Variants in YES1 observed in about 807,000 individuals in gnomAD.
YES1 encodes tyrosine-protein kinase Yes.
YES1 carries 39 observed loss-of-function variants against 70.4 expected under a neutral mutation model. That is an observed-to-expected ratio of 0.55 (90% CI 0.43 to 0.72). YES1 has a LOEUF of 0.72. Ranked by LOEUF, YES1 falls within the 30% of genes least tolerant of loss-of-function variation. The pLI is 0.00. For missense variants in YES1, 495 were observed against 644.8 expected, an observed-to-expected ratio of 0.77 and a Z score of 2.52; for synonymous variants, 198 against 218.6, an observed-to-expected ratio of 0.91 and a Z score of 0.83.
At chr18:804,609 CAAAAAAAAAAAAA>C (rs57896154) in intron 1 of YES1, among the ~76,000 whole-genome samples, 1 of 38,772 alleles carries the variant, frequency 2.6e-5, no homozygotes, top group Non-Finnish European at 4.9e-5. Flanking sequence ...GACTGAGTCT[CAAAAAAAAAAAAA>C]AAAAAAAAGG....
At chr18:770,944 T>C (rs1167887624) in intron 1 of YES1, among the ~76,000 whole-genome samples, 8 of 151,830 alleles carry the variant, frequency 5.3e-5, no homozygotes. Context: ...GCAGTGACTG[T>C]TAGGCAGTGA....
chr18:774,307 T>C (rs1905278664), intron 1 of YES1, among the ~76,000 whole-genome samples: 1 of 152,188 alleles, frequency 6.6e-6, no homozygotes, highest in African/African-American at 2.4e-5. Flanking sequence ...CAGTCTTATA[T>C]CTTTAAATAC....
intron 2 of YES1, among the ~76,000 whole-genome samples, chr18:756,224 G>C (rs2080404386): frequency 6.6e-6 from 1 of 151,292 alleles, no homozygotes; most frequent in African/African-American, 2.4e-5. Context: ...CTGAGAAGTT[G>C]TCAAATTCTT....
chr18:725,378 G>C (rs994676263), intron 11 of YES1, among the ~76,000 whole-genome samples: 4 of 151,978 alleles, frequency 2.6e-5, no homozygotes, highest in African/African-American at 9.7e-5. Flanking sequence ...AACCAATCAG[G>C]AATGATATTT....
Position 770,023 on chromosome 18 carries a change from G to A in YES1, c.-8-13188C>T, listed in dbSNP as rs527530038. Among the ~76,000 whole-genome samples the A allele has an allele frequency of 2.2e-4, 33 of 149,996 alleles. 1 individual carries two copies. In the South Asian group the frequency reaches 6.1e-3, roughly 28 times the overall value. ...ACTGGGAGTGCAGTGGCGTGATCCC[G>A]GCTCACTGCAACTGCAATCTCTGCC... is the stretch of plus-strand genomic sequence containing the variant. On this transcript the variant is annotated intron_variant, in intron 1 of 11. Transcript: ENST00000314574.
At position 739,487 on chromosome 18, in the gene YES1, T is replaced by C. The variant is rs187231684; in HGVS notation, c.1137+248A>G. 1,046 of 334,758 alleles carry C rather than the reference T, an allele frequency of 3.1e-3. 2 individuals carry two copies. The highest frequency in any genetic ancestry group is 0.018 in the Middle Eastern group (21 of 1,182). 20.7% of individuals were successfully genotyped at this position (334,758 alleles called of 1,614,324 possible). A position where few individuals can be genotyped will look rare whatever the true frequency, so the allele number is the denominator to read the frequency against. On this transcript the variant is annotated intron_variant, in intron 9 of 11. Transcript: ENST00000314574. The stretch of plus-strand genomic sequence containing the variant: ...GAATGGTGGCCTGTGCCTGCAGTCC[T>C]AGCTACCCAGGAGGCTGAGGCGAGA...
At chr18:810,856 G>GT (rs1310538565) in intron 1 of YES1, among the ~76,000 whole-genome samples, 1 of 151,734 alleles carries the variant, frequency 6.6e-6, no homozygotes, top group African/African-American at 2.4e-5. Flanking sequence ...TATGAACATC[G>GT]TAAGTGATGC....
chr18:752,508 T>C (rs933703198), intron 2 of YES1, among the ~76,000 whole-genome samples: 1 of 152,202 alleles, frequency 6.6e-6, no homozygotes, highest in Non-Finnish European at 1.5e-5. Context: ...TGATGACTAC[T>C]ACAAACTAGT....
chr18:784,966 A>G (rs1160110123), intron 1 of YES1, among the ~76,000 whole-genome samples: 15 of 152,178 alleles, frequency 9.9e-5, no homozygotes. Context: ...CACAGTACCC[A>G]TGCTTATAAT....
At chr18:796,790 C>T (rs978189478) in intron 1 of YES1, among the ~76,000 whole-genome samples, 2 of 151,944 alleles carry the variant, frequency 1.3e-5, no homozygotes, top group South Asian at 2.1e-4. Flanking sequence ...AATTAAATCC[C>T]TCAAAAGAAA....
rs533100696 is a variant in YES1, at chr18:760,363, G to A, written c.-8-3528C>T. Among the ~76,000 whole-genome samples the A allele has an allele frequency of 1.2e-4, 19 of 152,174 alleles. No individual in the cohort carries two copies. The East Asian group carries it at 2.9e-3, about 23-fold the overall frequency. ...TGCGCACCTGTAGTCCCCGCTACTC[G>A]GGAGGCTGAGGCAGAAGAATCGCTT... On this transcript the variant is annotated intron_variant, in intron 1 of 11. Transcript: ENST00000314574.
At chr18:808,119 A>C (rs1907191039) in intron 1 of YES1, among the ~76,000 whole-genome samples, 1 of 152,178 alleles carries the variant, frequency 6.6e-6, no homozygotes, top group Non-Finnish European at 1.5e-5. Context: ...GGGCTTTCAG[A>C]TCTTAAAGGT....
At chr18:812,062 T>TGTCCGGGCAGAGGTGGAACC (rs1907423768) in intron 1 of YES1, 52 bp downstream of exon 1, 1 of 158,664 alleles carries the variant, frequency 6.3e-6, no homozygotes, top group East Asian at 1.9e-4. Flanking sequence ...GGCCTAGCCC[T>TGTCCGGGCAGAGGTGGAACC]GTCCGGGCAG....
chr18:767,050 TTCATCTGTAAGTCTGAAC>T (rs1375889890), intron 1 of YES1, among the ~76,000 whole-genome samples: 3 of 151,814 alleles, frequency 2.0e-5, no homozygotes, highest in Non-Finnish European at 2.9e-5. Context: ...TTTCTACATG[TTCATCTGTAAGTCTGAAC>T]TCTTCTGTAA....
chr18:757,399 A>T (rs1247714162), intron 1 of YES1, among the ~76,000 whole-genome samples: 4 of 151,314 alleles, frequency 2.6e-5, no homozygotes, highest in African/African-American at 4.9e-5. Flanking sequence ...GCTACTCGGG[A>T]GGCTGAGGCA....
At chr18:754,798 C>A (rs1295883828) in intron 2 of YES1, among the ~76,000 whole-genome samples, 1 of 151,568 alleles carries the variant, frequency 6.6e-6, no homozygotes, top group Non-Finnish European at 1.5e-5. Context: ...CACCATCATT[C>A]TAGTTAGTTC....
At chr18:727,486 T>C (rs1054958836) in intron 11 of YES1, among the ~76,000 whole-genome samples, 3 of 152,226 alleles carry the variant, frequency 2.0e-5, no homozygotes, top group Non-Finnish European at 2.9e-5. Flanking sequence ...AATTCTACCA[T>C]CCTGATCTTT....
At chr18:772,998 T>C (rs1192499914) in intron 1 of YES1, among the ~76,000 whole-genome samples, 1 of 152,228 alleles carries the variant, frequency 6.6e-6, no homozygotes, top group Non-Finnish European at 1.5e-5. Context: ...AGGCTGGTCC[T>C]ATGGTTTCCT....
rs765960384 is a variant in YES1 at position 743,304 on chromosome 18, A to G, written c.836T>C (p.Leu279Pro). 6.2e-7 allele frequency: 1 copy of G among 1,612,312 alleles called. No homozygotes were observed. Residue 279 changes from leucine to proline, a missense_variant, in exon 7 of 12, where the codon CTA becomes CCA. By Grantham distance (98) the Leu-to-Pro change is moderately conservative. Around this residue, in one of 2 missense-constraint regions of YES1, gnomAD observed 385 missense variants for 540.9 expected, o/e 0.71. Transcript: ENST00000314574. ...AWEIPRESLRLEVKLGQGCFG... is the reference protein window; with the variant it reads ...AWEIPRESLRPEVKLGQGCFG... Reference sequence around the variant, plus strand: ...ACATCCTTGTCCTAGTTTAACCTCTAGTCGCAAAGATTCTCGAGGGATTTC... The same window carrying G: ...ACATCCTTGTCCTAGTTTAACCTCTGGTCGCAAAGATTCTCGAGGGATTTC...
Sources: gnomAD v4.1 joint callset for allele counts (sites outside exome capture counted in the v4.1 genomes callset) on GRCh38, gnomAD v4.1.1 for gene constraint, gnomAD v4.1.1 regional missense constraint, MANE v1.5 for transcripts, NCBI Gene and HGNC (gene_info 2026-07-23, HGNC 2026-07-21) for gene names.